The following SPON1 variants were observed in gnomAD, a reference collection of about 807,000 sequenced individuals.
The protein encoded by SPON1 is spondin-1.
Under a neutral mutation model 111.7 loss-of-function variants are expected in SPON1, and 52 were observed. The observed-to-expected ratio is 0.47, with a 90% CI of 0.37 to 0.59. The LOEUF is 0.59. Among genes scored for constraint, SPON1 ranks in the 20% least tolerant of loss-of-function variants. The probability of loss-of-function intolerance (pLI) is 0.00; values close to 1 mark genes in which losing one functional copy is unlikely to be tolerated. For missense variants in SPON1, 957 were observed against 1,068.5 expected (o/e 0.90, Z 1.46); for synonymous variants, 410 against 395.8 (o/e 1.04, Z -0.43).
intron 1 of SPON1, among the ~76,000 whole-genome samples, chr11:13,980,039 CT>C (rs1170297420): frequency 2.0e-5 from 3 of 150,686 alleles, no homozygotes; most frequent in African/African-American, 7.3e-5. Context: ...TTTTTTTCCC[CT>C]CATTCCTTCT....
At chr11:14,100,312 A>G (rs1849133596) in intron 5 of SPON1, among the ~76,000 whole-genome samples, 1 of 151,882 alleles carries the variant, frequency 6.6e-6, no homozygotes, top group African/African-American at 2.4e-5. Context: ...TCTACCCCAT[A>G]TTTATTGTGA....
intron 3 of SPON1, among the ~76,000 whole-genome samples, chr11:14,057,354 G>A (rs1415100893): frequency 1.3e-5 from 2 of 152,158 alleles, no homozygotes; most frequent in Non-Finnish European, 2.9e-5. Context: ...TAAATAACAT[G>A]TAATCTTCAA....
intron 6 of SPON1, among the ~76,000 whole-genome samples, chr11:14,186,817 G>C (rs533077602): frequency 1.3e-5 from 2 of 152,212 alleles, no homozygotes; most frequent in Non-Finnish European, 1.5e-5. Flanking sequence ...AGATCTTCGT[G>C]TGAGATCTTG....
At chr11:14,260,934 G>A (rs1049615088) in intron 14 of SPON1, among the ~76,000 whole-genome samples, 182 bp downstream of exon 14, 3 of 152,142 alleles carry the variant, frequency 2.0e-5, no homozygotes, top group Non-Finnish European at 2.9e-5. Flanking sequence ...TTAATAAAGT[G>A]AGAATCCCAC....
At chr11:14,113,258 TA>T (rs1382508845) in intron 5 of SPON1, among the ~76,000 whole-genome samples, 1 of 152,156 alleles carries the variant, frequency 6.6e-6, no homozygotes, top group Non-Finnish European at 1.5e-5. Context: ...TGGAATTGCT[TA>T]AACAGGAGTC....
intron 1 of SPON1, among the ~76,000 whole-genome samples, chr11:13,971,912 C>A (rs892735447): frequency 1.1e-4 from 17 of 152,202 alleles, no homozygotes; most frequent in Admixed American, 1.1e-3. Context: ...TGAGCCAGGG[C>A]TGACTTGCTT....
intron 6 of SPON1, among the ~76,000 whole-genome samples, chr11:14,159,959 T>C (rs1847891178): frequency 6.6e-6 from 1 of 152,040 alleles, no homozygotes; most frequent in Non-Finnish European, 1.5e-5. Flanking sequence ...TGAGAACGAA[T>C]GAGTACAACC....
chr11:14,246,374 A>G (rs1848990010), intron 7 of SPON1, among the ~76,000 whole-genome samples: 1 of 152,154 alleles, frequency 6.6e-6, no homozygotes, highest in African/African-American at 2.4e-5. Flanking sequence ...CCAATGACCA[A>G]ACTGAGACTC....
intron 1 of SPON1, among the ~76,000 whole-genome samples, chr11:13,964,867 T>C (rs1848004447): frequency 6.6e-6 from 1 of 152,146 alleles, no homozygotes; most frequent in African/African-American, 2.4e-5. Context: ...CAGGGGAAAC[T>C]GTCCCCGCTC....
At chr11:14,151,476 A>G (rs907886013) in intron 6 of SPON1, among the ~76,000 whole-genome samples, 1 of 152,208 alleles carries the variant, frequency 6.6e-6, no homozygotes, top group Admixed American at 6.5e-5. Flanking sequence ...CCAGAGACCA[A>G]CGTATTTGTT....
At position 13,962,836 on chromosome 11, in the gene SPON1, G is replaced by C. The variant is rs1477282587; in HGVS notation, c.-69G>C. The stretch of plus-strand genomic sequence containing the variant: ...GCCTCCGCCAGGTCGCGCCTTCGTC[G>C]GGACCACTTCGGGCAGGAGTCGCGT... On this transcript the variant is annotated 5_prime_UTR_variant, in exon 1 of 16. Transcript: ENST00000576479. 34 of 1,354,668 alleles carry C rather than the reference G, an allele frequency of 2.5e-5. No homozygotes were observed. The highest frequency in any genetic ancestry group is 6.5e-5 in the South Asian group (4 of 61,356). 83.9% of individuals were successfully genotyped at this position (1,354,668 alleles called of 1,614,324 possible).
chr11:14,062,761 C>G (rs1554919990), intron 3 of SPON1, among the ~76,000 whole-genome samples: 1 of 152,162 alleles, frequency 6.6e-6, no homozygotes, highest in Non-Finnish European at 1.5e-5. Context: ...ATAGAAACAT[C>G]CTTCACATGG....
chr11:14,070,673 A>G (rs2133827626), intron 3 of SPON1, among the ~76,000 whole-genome samples: 1 of 152,212 alleles, frequency 6.6e-6, no homozygotes, highest in African/African-American at 2.4e-5. Flanking sequence ...ATTTCTCCCA[A>G]GTACTTCAGT....
chr11:14,041,205 C>T (rs539614085), intron 2 of SPON1, among the ~76,000 whole-genome samples: 1 of 152,314 alleles, frequency 6.6e-6, no homozygotes, highest in East Asian at 1.9e-4. Flanking sequence ...CCTCCTTCTT[C>T]CCCAAAGTGG....
chr11:14,038,491 C>CA (rs1386249389), intron 2 of SPON1, among the ~76,000 whole-genome samples: 3 of 151,820 alleles, frequency 2.0e-5, no homozygotes, highest in African/African-American at 7.3e-5. Flanking sequence ...CAAAACAAAA[C>CA]AAACAACTCA....
intron 5 of SPON1, among the ~76,000 whole-genome samples, chr11:14,088,628 G>A (rs1849025982): frequency 6.9e-6 from 1 of 145,372 alleles, no homozygotes; most frequent in South Asian, 2.2e-4. Flanking sequence ...TTCTTCTCGG[G>A]GAGTATCATT....
intron 5 of SPON1, among the ~76,000 whole-genome samples, chr11:14,119,305 G>A (rs1849287550): frequency 6.6e-6 from 1 of 152,088 alleles, no homozygotes; most frequent in Non-Finnish European, 1.5e-5. Flanking sequence ...AAGGGAGGAG[G>A]AAGGGTCAAG....
At chr11:14,057,920 G>A (rs782466400) in intron 3 of SPON1, among the ~76,000 whole-genome samples, 4 of 152,016 alleles carry the variant, frequency 2.6e-5, no homozygotes, top group Non-Finnish European at 4.4e-5. Context: ...AGGAGGCTGA[G>A]GTAAGAGGAT....
chr11:14,263,142 C>A, intron 15 of SPON1, 167 bp downstream of exon 15: 3 of 691,636 alleles, frequency 4.3e-6, no homozygotes, highest in Non-Finnish European at 6.9e-6. Flanking sequence ...CAAGTTTGTT[C>A]CCAAATATTG....
Sources: gnomAD v4.1 joint callset for allele counts (sites outside exome capture counted in the v4.1 genomes callset) on GRCh38, gnomAD v4.1.1 for gene constraint, MANE v1.5 for transcripts, NCBI Gene and HGNC (gene_info 2026-07-23, HGNC 2026-07-21) for gene names.